The following CSMD1 variants were observed in gnomAD, a reference collection of about 807,000 sequenced individuals.
CSMD1 encodes the protein CUB and sushi domain-containing protein 1.
In CSMD1, 213 loss-of-function variants were observed where a neutral mutation model predicts 417.5. The observed-to-expected ratio is 0.51, with a 90% CI of 0.46 to 0.57. CSMD1 has a LOEUF of 0.57. Ranked by LOEUF, CSMD1 falls within the 20% of genes least tolerant of loss-of-function variation. The pLI, the probability that CSMD1 is intolerant of heterozygous loss-of-function variation, is 0.00. For synonymous variants in CSMD1, 2,862 were observed against 1,736.8 expected (o/e 1.65, Z -16.11); for missense variants, 6,923 against 4,529.7 (o/e 1.53, Z -15.17).
At chr8:4,991,524 C>T (rs1811460571) in intron 1 of CSMD1, among the ~76,000 whole-genome samples, 3 of 152,192 alleles carry the variant, frequency 2.0e-5, no homozygotes, top group Non-Finnish European at 4.4e-5. Flanking sequence ...CGCCTGCCTT[C>T]GCCACAGCGG....
Position 3,289,030 on chromosome 8 carries a change from T to G in CSMD1, c.3951-4684A>C, listed in dbSNP as rs1246539105. On this transcript the variant is annotated intron_variant, in intron 25 of 69. Transcript: ENST00000635120. ...TGTGATGTTCCCCTTCCTGTGTCCG[T>G]GTGTTCTCATTGTTCAATTCCCACC... is the stretch of plus-strand genomic sequence containing the variant. Among the ~76,000 whole-genome samples the G allele has an allele frequency of 2.7e-5, 4 of 146,502 alleles. 1 individual carries two copies. Among genetic ancestry groups the G allele is most frequent in the African/African-American group, 8.2e-5 (3 of 36,532 alleles).
Position 3,052,596 on chromosome 8 carries a change from T to G in CSMD1, c.7526A>C (p.Asn2509Thr). 1 of 1,612,086 alleles carries G rather than the reference T, an allele frequency of 6.2e-7. No homozygotes were observed. Among genetic ancestry groups the G allele is most frequent in the Non-Finnish European group, 8.5e-7 (1 of 1,179,122 alleles). ...ESPGNGSFTG[N>T]EFTLDSKVVY... ...CACTTTACTGTCCAAAGTGAACTCG[T>G]TCCCGGTAAATGAACCGTTTCCTGG... Residue 2509 changes from asparagine (N) to threonine (T), a missense_variant, in exon 50 of 70, where the codon AAC becomes ACC. Transcript: ENST00000635120.
chr8:3,084,723 T>C (rs1166142144), intron 49 of CSMD1, among the ~76,000 whole-genome samples: 2 of 152,030 alleles, frequency 1.3e-5, no homozygotes, highest in East Asian at 3.9e-4. Flanking sequence ...CCAATATATG[T>C]TGTACAACCT....
chr8:4,146,295 C>G (rs1308493891), intron 3 of CSMD1, among the ~76,000 whole-genome samples: 1 of 150,956 alleles, frequency 6.6e-6, no homozygotes, highest in African/African-American at 2.5e-5. Flanking sequence ...CGGCACAGTG[C>G]CATAGCCTCT....
chr8:4,389,320 T>C (rs1295418148), intron 3 of CSMD1, among the ~76,000 whole-genome samples: 1 of 152,182 alleles, frequency 6.6e-6, no homozygotes, highest in Non-Finnish European at 1.5e-5. Flanking sequence ...GTAATCCTTG[T>C]CATCCTTCTC....
intron 5 of CSMD1, among the ~76,000 whole-genome samples, chr8:3,792,624 A>G (rs898074881): frequency 1.3e-5 from 2 of 152,192 alleles, no homozygotes; most frequent in Non-Finnish European, 2.9e-5. Flanking sequence ...ACAAATCATG[A>G]CAGGCAGTAA....
chr8:4,190,863 C>T (rs539488475), intron 3 of CSMD1, among the ~76,000 whole-genome samples: 1 of 151,876 alleles, frequency 6.6e-6, no homozygotes, highest in Non-Finnish European at 1.5e-5. Flanking sequence ...AAACCAAATA[C>T]CACATGATCT....
At chr8:3,217,807 T>A (rs377641523) in intron 29 of CSMD1, among the ~76,000 whole-genome samples, 1 of 152,156 alleles carries the variant, frequency 6.6e-6, no homozygotes, top group Non-Finnish European at 1.5e-5. Context: ...TAAAACTATA[T>A]AAACAGTTCT....
At chr8:3,136,232 G>A (rs1818076592) in intron 41 of CSMD1, among the ~76,000 whole-genome samples, 1 of 151,412 alleles carries the variant, frequency 6.6e-6, no homozygotes, top group South Asian at 2.1e-4. Flanking sequence ...TTGCAGAGAG[G>A]ACAACCAAGC....
Position 3,155,597 on chromosome 8 carries a change from G to A in CSMD1, c.5914+2300C>T, listed in dbSNP as rs541821355. On this transcript the variant is annotated intron_variant, in intron 39 of 69. Transcript: ENST00000635120. ...TTAGCCAGGATGGTCTCGATCTCCT[G>A]ACTTCGTGATCCACTCGCCTCAGCC... Among the ~76,000 whole-genome samples, 14 of 151,846 alleles carry A rather than the reference G, an allele frequency of 9.2e-5. 1 individual carries two copies. The Middle Eastern group carries it at 0.01, about 111-fold the overall frequency.
chr8:4,923,142 A>T (rs4260911), intron 1 of CSMD1, among the ~76,000 whole-genome samples: 145,934 of 152,250 alleles, frequency 0.96, 70,152 homozygotes, highest in East Asian at 1. Context: ...AAATATTTTT[A>T]AAATATATAA....
chr8:3,257,810 T>G (rs917816305), intron 26 of CSMD1, among the ~76,000 whole-genome samples: 1 of 150,704 alleles, frequency 6.6e-6, no homozygotes, highest in African/African-American at 2.4e-5. Flanking sequence ...GATCGGTGGG[T>G]GGGGTGAGGG....
chr8:4,101,041 T>C (rs1458748492), intron 3 of CSMD1, among the ~76,000 whole-genome samples: 1 of 152,160 alleles, frequency 6.6e-6, no homozygotes, highest in African/African-American at 2.4e-5. Flanking sequence ...TGCAGAATGA[T>C]GCAAAGGCAG....
chr8:4,992,322 G>C (rs1220125918), intron 1 of CSMD1, among the ~76,000 whole-genome samples: 1 of 152,192 alleles, frequency 6.6e-6, no homozygotes, highest in Non-Finnish European at 1.5e-5. Context: ...TTAAGCAGCC[G>C]AGCTAGGGCC....
intron 3 of CSMD1, among the ~76,000 whole-genome samples, chr8:4,262,638 T>C (rs1803968124): frequency 6.6e-6 from 1 of 152,116 alleles, no homozygotes; most frequent in Non-Finnish European, 1.5e-5. Context: ...GCCACCCAGT[T>C]AGCCTGGGGC....
intron 1 of CSMD1, among the ~76,000 whole-genome samples, chr8:4,957,597 C>T (rs1476008029): frequency 6.6e-6 from 1 of 152,054 alleles, no homozygotes; most frequent in East Asian, 1.9e-4. Context: ...TGTGAAAGAT[C>T]CTCATATGAA....
In CSMD1 at chr8:4,653,852, G is replaced by A. The variant is rs920474984; in HGVS notation, c.86-16294C>T. On this transcript the variant is annotated intron_variant, in intron 1 of 69. Transcript: ENST00000635120. ...AGTGCCATGCTTTTAGGATTCTGAAGAAGACATGCATTTTTCATAACGTTA... is the reference window on the plus strand; with the variant it reads ...AGTGCCATGCTTTTAGGATTCTGAAAAAGACATGCATTTTTCATAACGTTA... Among the ~76,000 whole-genome samples the A allele has an allele frequency of 4.6e-4, 70 of 152,098 alleles. 1 individual carries two copies.
intron 29 of CSMD1, among the ~76,000 whole-genome samples, chr8:3,215,800 G>C (rs890039134): frequency 2.0e-5 from 3 of 151,760 alleles, no homozygotes; most frequent in African/African-American, 7.3e-5. Context: ...AGAGGAAAAA[G>C]CAAAAACAAA....
intron 3 of CSMD1, among the ~76,000 whole-genome samples, chr8:4,372,109 G>T (rs539808311): frequency 1.3e-5 from 2 of 152,298 alleles, no homozygotes; most frequent in African/African-American, 4.8e-5. Context: ...TCAGTGCAAA[G>T]TCCATTTACT....
Sources: allele counts gnomAD v4.1 joint callset (sites outside exome capture counted in the v4.1 genomes callset), GRCh38; gene constraint gnomAD v4.1.1; transcripts MANE v1.5; gene names NCBI Gene and HGNC (gene_info 2026-07-23, HGNC 2026-07-21).